The following COL6A6 variants were observed in gnomAD, a reference collection of about 807,000 sequenced individuals.
COL6A6 encodes the protein collagen type VI alpha 6 chain, also known as collagen alpha-6(VI) chain.
In COL6A6, 183 loss-of-function variants were observed where a neutral mutation model predicts 208.6. The ratio of observed to expected loss-of-function variants is 0.88; its 90% confidence interval spans 0.78 to 0.99. COL6A6 has a LOEUF of 0.99. Among genes scored for constraint, COL6A6 ranks in the 50% least tolerant of loss-of-function variants. COL6A6 has a pLI of 0.00. For missense variants in COL6A6, 2,816 were observed against 2,815.2 expected (o/e 1.00, Z -0.01); for synonymous variants, 973 against 1,011.8 (o/e 0.96, Z 0.73).
intron 1 of COL6A6, among the ~76,000 whole-genome samples, chr3:130,548,591 A>C (rs2062572987): frequency 1.3e-5 from 2 of 152,250 alleles, no homozygotes; most frequent in Admixed American, 1.3e-4. Flanking sequence ...GTGCTCTGGC[A>C]TATTTCAAAG....
chr3:130,603,915 C>T (rs2064102149), intron 20 of COL6A6, among the ~76,000 whole-genome samples: 1 of 152,018 alleles, frequency 6.6e-6, no homozygotes. Flanking sequence ...GGACTGAGTA[C>T]CCTGTTCTTG....
chr3:130,588,600 T>C (rs189452088), intron 11 of COL6A6, among the ~76,000 whole-genome samples: 1 of 152,306 alleles, frequency 6.6e-6, no homozygotes, highest in Admixed American at 6.5e-5. Context: ...GAGTTAACCA[T>C]TGGACTTAGT....
intron 11 of COL6A6, among the ~76,000 whole-genome samples, chr3:130,588,549 G>GT (rs2063595219): frequency 1.3e-5 from 2 of 152,186 alleles, no homozygotes; most frequent in African/African-American, 4.8e-5. Context: ...TATTGCACGT[G>GT]TAAGTTGTGT....
intron 29 of COL6A6, among the ~76,000 whole-genome samples, chr3:130,642,507 C>T (rs1309078586): frequency 2.0e-5 from 3 of 152,134 alleles, no homozygotes; most frequent in Non-Finnish European, 4.4e-5. Context: ...GAGGCGTAGG[C>T]GTGCTCCAGA....
intron 20 of COL6A6, 43 bp from the exon 21 acceptor site, chr3:130,606,888 A>AT (rs762974917): frequency 1.2e-5 from 18 of 1,547,660 alleles, no homozygotes; most frequent in Admixed American, 5.5e-5. Context: ...TATAAAAAGC[A>AT]TTTTTTCTGA....
intron 24 of COL6A6, among the ~76,000 whole-genome samples, chr3:130,623,562 T>TGA (rs59867890): frequency 0.033 from 5,069 of 152,162 alleles, 275 homozygotes; most frequent in African/African-American, 0.12. Context: ...CTTAACGGGG[T>TGA]GAGGACTTAA....
intron 1 of COL6A6, among the ~76,000 whole-genome samples, chr3:130,546,258 G>T (rs1305730401): frequency 6.6e-6 from 1 of 152,006 alleles, no homozygotes; most frequent in Non-Finnish European, 1.5e-5. Flanking sequence ...TTGTGGTCTC[G>T]CTGGCTTCAG....
At chr3:130,559,387 A>T (rs530221570) in intron 1 of COL6A6, among the ~76,000 whole-genome samples, 1 of 152,196 alleles carries the variant, frequency 6.6e-6, no homozygotes, top group Non-Finnish European at 1.5e-5. Flanking sequence ...AAGTTGCAGA[A>T]TGTCAGAAGG....
chr3:130,670,242 C>T (rs553112051), intron 36 of COL6A6, among the ~76,000 whole-genome samples: 18 of 152,288 alleles, frequency 1.2e-4, no homozygotes, highest in African/African-American at 4.3e-4. Flanking sequence ...GACAAGATGC[C>T]GTGCATGTGA....
At chr3:130,613,062 G>A (rs1030625524) in intron 23 of COL6A6, among the ~76,000 whole-genome samples, 11 of 152,254 alleles carry the variant, frequency 7.2e-5, no homozygotes, top group Non-Finnish European at 5.9e-5. Flanking sequence ...AATCGCCTTT[G>A]TCATCTTTCT....
At chr3:130,521,231 G>A (rs929307892) in intron 1 of COL6A6, among the ~76,000 whole-genome samples, 2 of 152,140 alleles carry the variant, frequency 1.3e-5, no homozygotes, top group Admixed American at 6.5e-5. Context: ...AAAACCATAA[G>A]CTAATCACTT....
At chr3:130,541,509 T>C (rs1047322244) in intron 1 of COL6A6, among the ~76,000 whole-genome samples, 3 of 152,196 alleles carry the variant, frequency 2.0e-5, no homozygotes, top group Admixed American at 2.0e-4. Flanking sequence ...TGTGGTTTAG[T>C]TTTGCAAGAA....
intron 24 of COL6A6, among the ~76,000 whole-genome samples, chr3:130,623,059 A>G (rs2064783976): frequency 6.6e-6 from 1 of 152,140 alleles, no homozygotes; most frequent in Non-Finnish European, 1.5e-5. Flanking sequence ...CCTGTGGTGA[A>G]TCTATTCAGT....
chr3:130,658,716 C>G lies in COL6A6; in HGVS notation c.5774C>G (p.Ser1925Cys). 2 of 1,613,224 alleles carry G rather than the reference C, an allele frequency of 1.2e-6. No homozygotes were observed. The highest frequency in any genetic ancestry group is 1.7e-6 in the Non-Finnish European group (2 of 1,179,588). Residue 1925 changes from serine (S) to cysteine (C), a missense_variant, in exon 34 of 37, where the codon TCC (serine) becomes TGC (cysteine). Physicochemically the swap from Ser to Cys is moderately radical, Grantham distance 112. Transcript: ENST00000358511. ...TGTFQVIVVP[S>C]GADYIPALER... The stretch of plus-strand genomic sequence containing the variant: ...ACATTTCAAGTAATAGTGGTTCCCT[C>G]CGGGGCCGACTACATACCAGCATTA...
chr3:130,567,120 T>G lies in COL6A6; in HGVS notation c.1701T>G (p.Val567=). 1 of 1,613,930 alleles carries G rather than the reference T, an allele frequency of 6.2e-7. No homozygotes were observed. The highest frequency in any genetic ancestry group is 8.5e-7 in the Non-Finnish European group (1 of 1,179,866). ...ANRLREEHIR[V]YAIGIKEANQ... is the part of the protein sequence containing the mutation. ...GACTGAGAGAAGAGCACATCCGAGT[T>G]TATGCTATCGGGATCAAGGAGGCCA... Residue 567 remains valine (V), a synonymous_variant, in exon 5 of 37, where the codon GTT becomes GTG. Coordinates refer to ENST00000358511, the MANE Select transcript of COL6A6 (RefSeq NM_001102608.3).
At chr3:130,657,110 A>C (rs1020225815) in intron 33 of COL6A6, among the ~76,000 whole-genome samples, 1 of 152,226 alleles carries the variant, frequency 6.6e-6, no homozygotes, top group Non-Finnish European at 1.5e-5. Context: ...CTGGGTCTGG[A>C]GCCACAGCTG....
At chr3:130,644,048 C>G (rs1171270784) in intron 31 of COL6A6, among the ~76,000 whole-genome samples, 1 of 151,878 alleles carries the variant, frequency 6.6e-6, no homozygotes, top group African/African-American at 2.4e-5. Context: ...TATATTGAGA[C>G]CTGATATTTT....
intron 1 of COL6A6, among the ~76,000 whole-genome samples, chr3:130,530,263 A>C (rs973912806): frequency 6.6e-6 from 1 of 151,544 alleles, no homozygotes; most frequent in Non-Finnish European, 1.5e-5. Flanking sequence ...AGTTGATAAA[A>C]ATACCGTCTG....
chr3:130,539,723 G>A (rs1298290892), intron 1 of COL6A6, among the ~76,000 whole-genome samples: 1 of 151,774 alleles, frequency 6.6e-6, no homozygotes, highest in Non-Finnish European at 1.5e-5. Flanking sequence ...AGGTTCTTTT[G>A]ATCAAAATAT....
Sources: allele counts gnomAD v4.1 joint callset (sites outside exome capture counted in the v4.1 genomes callset), GRCh38; gene constraint gnomAD v4.1.1; transcripts MANE v1.5; gene names NCBI Gene and HGNC (gene_info 2026-07-23, HGNC 2026-07-21).